Variants in ALMS1 observed in about 807,000 individuals in gnomAD.
ALMS1 encodes centrosome-associated protein ALMS1.
A neutral mutation model predicts 352.2 loss-of-function variants in ALMS1; 271 were observed. The observed-to-expected ratio is 0.77, with a 90% CI of 0.70 to 0.85. The LOEUF (loss-of-function observed/expected upper bound fraction) is 0.85, where lower values mean the gene tolerates loss of function less well. Ranked by LOEUF, ALMS1 falls within the 40% of genes least tolerant of loss-of-function variation. The pLI is 0.00. For missense variants in ALMS1, 5,445 were observed against 4,870.7 expected (o/e 1.12, Z -3.51); for synonymous variants, 1,865 against 1,761.2 (o/e 1.06, Z -1.48).
chr2:73,609,658 C>G lies in ALMS1; in HGVS notation c.*46C>G, dbSNP rs1216347897. The G allele has an allele frequency of 6.4e-7, 1 of 1,572,534 alleles. No homozygotes were observed. The highest frequency in any genetic ancestry group is 1.4e-5 in the African/African-American group (1 of 73,982). On this transcript the variant is annotated 3_prime_UTR_variant, in exon 23 of 23. Coordinates refer to ENST00000613296, the MANE Select transcript of ALMS1 (RefSeq NM_001378454.1). ...AGCCTTGGAATTCTATTTTATGAAC[C>G]TAGAGAAGCAGAATCCTTACTTTTG...
intron 1 of ALMS1, among the ~76,000 whole-genome samples, chr2:73,399,936 GTTT>G (rs1382540969): frequency 5.9e-5 from 7 of 119,124 alleles, no homozygotes; most frequent in Admixed American, 1.7e-4. Context: ...TATATTAATT[GTTT>G]TTTTTTTTTT....
chr2:73,466,500 G>T (rs1190266011), intron 9 of ALMS1, among the ~76,000 whole-genome samples: 1 of 125,368 alleles, frequency 8.0e-6, no homozygotes, highest in African/African-American at 3.2e-5. Flanking sequence ...GGGGGGAGGG[G>T]GGAGGGGGGA....
intron 15 of ALMS1, among the ~76,000 whole-genome samples, chr2:73,565,609 G>T (rs532982411): frequency 3.3e-5 from 5 of 152,220 alleles, no homozygotes; most frequent in African/African-American, 1.2e-4. Flanking sequence ...TAGGAAGGGG[G>T]AAAAAGAATA....
chr2:73,452,384 C>A lies in ALMS1; in HGVS notation c.5857C>A (p.Gln1953Lys). The A allele has an allele frequency of 6.2e-7, 1 of 1,614,014 alleles. No homozygotes were observed. Among genetic ancestry groups the A allele is most frequent in the South Asian group, 1.1e-5 (1 of 91,082 alleles). The change falls in exon 8 of 23, where the codon CAG becomes AAG. Residue 1953 changes from glutamine (Q) to lysine (K), a missense_variant. By Grantham distance (53) the Gln-to-Lys change is moderately conservative. Transcript: ENST00000613296. ...RREKPSVISQ[Q>K]ELPDSHLTEE... ...AGAGAAGCCCAGTGTTATCTCTCAA[C>A]AGGAGTTGCCAGACAGTCATCTCAC...
At chr2:73,559,986 G>A (rs1674623628) in intron 15 of ALMS1, among the ~76,000 whole-genome samples, 1 of 152,130 alleles carries the variant, frequency 6.6e-6, no homozygotes. Flanking sequence ...TGATTTCTCA[G>A]ATGTGACACC....
chr2:73,562,693 G>A (rs1674690286), intron 15 of ALMS1, among the ~76,000 whole-genome samples: 2 of 152,012 alleles, frequency 1.3e-5, no homozygotes, highest in Non-Finnish European at 2.9e-5. Flanking sequence ...TTTGAGACCA[G>A]CCTGACCAAC....
In ALMS1 at chr2:73,439,796, C is replaced by T. The variant is rs986115881; in HGVS notation, c.1432+7505C>T. 3.6e-4 allele frequency among the ~76,000 whole-genome samples: 55 copies of T among 152,148 alleles called. 1 individual carries two copies. Among genetic ancestry groups the T allele is most frequent in the African/African-American group, 1.3e-3 (54 of 41,498 alleles). On this transcript the variant is annotated intron_variant, in intron 7 of 22. Coordinates refer to ENST00000613296, the MANE Select transcript of ALMS1 (RefSeq NM_001378454.1). ...CCTTGTGATCCACCCGCCTTGGCCTCCCAAAGTGCTGGGATTACAGGTGTA... is the reference window on the plus strand; with the variant it reads ...CCTTGTGATCCACCCGCCTTGGCCTTCCAAAGTGCTGGGATTACAGGTGTA...
chr2:73,510,461 A>C (rs2103941996), intron 10 of ALMS1, among the ~76,000 whole-genome samples: 1 of 152,322 alleles, frequency 6.6e-6, no homozygotes, highest in African/African-American at 2.4e-5. Flanking sequence ...TCCTTCTAAC[A>C]GTCAGGCCCC....
rs754857996 is a variant in ALMS1, at chr2:73,452,465, A to G, written c.5938A>G (p.Ile1980Val). 2 of 1,614,082 alleles carry G rather than the reference A, an allele frequency of 1.2e-6. No individual in the cohort carries two copies. The highest frequency in any genetic ancestry group is 1.7e-6 in the Non-Finnish European group (2 of 1,179,996). ...TATACCAGCAGAGCAGAAGACTGGG[A>G]TACCAATAGGACTGTCTAGTTCCTA... ...VSIPAEQKTG[I>V]PIGLSSSYSH... The change falls in exon 8 of 23, where the codon ATA becomes GTA. Residue 1980 changes from isoleucine to valine, a missense_variant. Ile to Val is a conservative substitution (Grantham distance 29). Coordinates refer to ENST00000613296, the MANE Select transcript of ALMS1 (RefSeq NM_001378454.1).
chr2:73,543,604 T>C (rs1294627942), intron 12 of ALMS1, among the ~76,000 whole-genome samples: 1 of 152,184 alleles, frequency 6.6e-6, no homozygotes, highest in African/African-American at 2.4e-5. Flanking sequence ...AGAAAAATTT[T>C]GCTATCTACC....
At chr2:73,557,593 A>C (rs1558693419) in intron 14 of ALMS1, among the ~76,000 whole-genome samples, 1 of 152,244 alleles carries the variant, frequency 6.6e-6, no homozygotes, top group African/African-American at 2.4e-5. Flanking sequence ...TTTTGAATAT[A>C]GTAAACAAAT....
intron 10 of ALMS1, among the ~76,000 whole-genome samples, chr2:73,510,295 C>A (rs912369846): frequency 6.6e-6 from 1 of 152,118 alleles, no homozygotes; most frequent in Non-Finnish European, 1.5e-5. Context: ...AAGAGGCATT[C>A]TGGTTTTGGA....
chr2:73,559,177 C>T (rs780752657), intron 15 of ALMS1, 35 bp downstream of exon 15: 1 of 1,600,384 alleles, frequency 6.2e-7, no homozygotes, highest in South Asian at 1.1e-5. Flanking sequence ...GTGTGTGTGT[C>T]TTTGTGTGTA....
intron 10 of ALMS1, among the ~76,000 whole-genome samples, chr2:73,497,460 C>T (rs1389664603): frequency 6.6e-6 from 1 of 152,038 alleles, no homozygotes. Flanking sequence ...TACAGGCATA[C>T]CTCAGATATA....
chr2:73,563,241 T>C (rs17009149), intron 15 of ALMS1, among the ~76,000 whole-genome samples: 45,090 of 151,882 alleles, frequency 0.3, 8,000 homozygotes, highest in African/African-American at 0.5. Context: ...TTGGGGACAT[T>C]AATATAGATG....
intron 9 of ALMS1, among the ~76,000 whole-genome samples, chr2:73,485,650 A>T (rs565228972): frequency 8.5e-5 from 13 of 152,302 alleles, no homozygotes; most frequent in African/African-American, 3.1e-4. Flanking sequence ...AGCCTGGGCA[A>T]TGGCGGGCGC....
At chr2:73,537,330 C>T (rs72811939) in intron 12 of ALMS1, among the ~76,000 whole-genome samples, 19,082 of 152,154 alleles carry the variant, frequency 0.13, 1,291 homozygotes, top group East Asian at 0.22. Flanking sequence ...CCCATGTATG[C>T]GTAGGCCTGT....
At position 73,448,021 on chromosome 2, in the gene ALMS1, T is replaced by C. The variant is rs745878360; in HGVS notation, c.1494T>C (p.Thr498=). Residue 498 remains threonine (T), a synonymous_variant, in exon 8 of 23, where the codon ACT becomes ACC. Coordinates refer to ENST00000613296, the MANE Select transcript of ALMS1 (RefSeq NM_001378454.1). ...VTQSNLKSGI[T]TTPVDSDIGS... ...AATCCAACTTGAAGTCAGGCATCAC[T>C]ACCACTCCTGTTGATTCAGACATTG... is the stretch of plus-strand genomic sequence containing the variant. 1 of 1,613,930 alleles carries C rather than the reference T, an allele frequency of 6.2e-7. No individual in the cohort carries two copies. The highest frequency in any genetic ancestry group is 8.5e-7 in the Non-Finnish European group (1 of 1,179,874).
At chr2:73,462,913 TAA>T (rs1672239521) in intron 9 of ALMS1, 1 of 152,040 alleles carries the variant, frequency 6.6e-6, no homozygotes, top group Non-Finnish European at 1.5e-5. Context: ...CTAACTATCT[TAA>T]ATATATATGC....
Sources: allele counts gnomAD v4.1 joint callset (sites outside exome capture counted in the v4.1 genomes callset), GRCh38; gene constraint gnomAD v4.1.1; transcripts MANE v1.5; gene names NCBI Gene and HGNC (gene_info 2026-07-23, HGNC 2026-07-21).